Variants in NLGN1 observed in about 807,000 individuals in gnomAD.
NLGN1 encodes the protein neuroligin-1.
A neutral mutation model predicts 65.5 loss-of-function variants in NLGN1; 12 were observed. The ratio of observed to expected loss-of-function variants is 0.18; its 90% CI spans 0.12 to 0.30. The LOEUF (loss-of-function observed/expected upper bound fraction) is 0.30. Ranked by LOEUF, NLGN1 falls within the 10% of genes least tolerant of loss-of-function variation. The pLI is 1.00. For synonymous variants in NLGN1, 350 were observed against 359.5 expected (o/e 0.97, Z 0.30); for missense variants, 750 against 1,007.1 (o/e 0.74, Z 3.46).
At chr3:173,958,936 G>A (rs142999385) in intron 4 of NLGN1, among the ~76,000 whole-genome samples, 244 of 152,338 alleles carry the variant, frequency 1.6e-3, no homozygotes, top group African/African-American at 5.5e-3. Context: ...GCACCTGGCC[G>A]GGTTGTGACA....
chr3:174,043,428 G>C (rs1213228558), intron 4 of NLGN1, among the ~76,000 whole-genome samples: 4 of 152,130 alleles, frequency 2.6e-5, no homozygotes, highest in Admixed American at 6.5e-5. Context: ...TCAAAATCAA[G>C]TTACTTACTT....
intron 3 of NLGN1, among the ~76,000 whole-genome samples, chr3:173,616,056 A>G (rs1281754297): frequency 1.3e-5 from 2 of 152,016 alleles, no homozygotes; most frequent in African/African-American, 4.8e-5. Context: ...CCCTGAGGAA[A>G]GGAGGCAAGG....
chr3:173,437,460 G>A (rs549754455), intron 2 of NLGN1, among the ~76,000 whole-genome samples: 1 of 152,272 alleles, frequency 6.6e-6, no homozygotes, highest in African/African-American at 2.4e-5. Flanking sequence ...AACATGCATT[G>A]GAATTTATTC....
At position 173,585,506 on chromosome 3, in the gene NLGN1, C is replaced by T. The variant is rs1409594999; in HGVS notation, c.-320-18773C>T. On this transcript the variant is annotated intron_variant, in intron 2 of 6. Coordinates refer to ENST00000457714, the Ensembl canonical transcript of NLGN1. ...CCACCCCTCTCTTCCTACCCCTTCC[C>T]GCTTCCCGCTTCTCTCAACCGGACA... 3.3e-5 allele frequency among the ~76,000 whole-genome samples: 5 copies of T among 152,118 alleles called. No homozygotes were observed. The South Asian group carries it at 1.0e-3, about 32-fold the overall frequency.
intron 1 of NLGN1, among the ~76,000 whole-genome samples, chr3:173,409,067 G>T (rs186196838): frequency 6.6e-6 from 1 of 152,076 alleles, no homozygotes; most frequent in African/African-American, 2.4e-5. Context: ...ACAGCCTCTC[G>T]TGGGACACTC....
At chr3:173,589,983 A>C (rs532905838) in intron 2 of NLGN1, among the ~76,000 whole-genome samples, 1 of 152,288 alleles carries the variant, frequency 6.6e-6, no homozygotes, top group South Asian at 2.1e-4. Context: ...AGTAATATTG[A>C]GTTGATAAAA....
chr3:173,456,040 A>G (rs1722467027), intron 2 of NLGN1, among the ~76,000 whole-genome samples: 1 of 152,140 alleles, frequency 6.6e-6, no homozygotes, highest in Non-Finnish European at 1.5e-5. Flanking sequence ...ATACACAGCC[A>G]TCTGCTTTAC....
chr3:173,933,495 C>A (rs1215173110), intron 4 of NLGN1, among the ~76,000 whole-genome samples: 1 of 152,142 alleles, frequency 6.6e-6, no homozygotes, highest in Non-Finnish European at 1.5e-5. Flanking sequence ...GGGTATCTAT[C>A]TTGGTTGACA....
chr3:173,435,895 G>C (rs565220158), intron 2 of NLGN1, among the ~76,000 whole-genome samples: 1 of 152,204 alleles, frequency 6.6e-6, no homozygotes, highest in South Asian at 2.1e-4. Context: ...TAGTCAACAA[G>C]GAAGGCTGAC....
At chr3:174,159,536 G>A (rs1404613160) in intron 4 of NLGN1, among the ~76,000 whole-genome samples, 1 of 151,602 alleles carries the variant, frequency 6.6e-6, no homozygotes, top group African/African-American at 2.4e-5. Flanking sequence ...AAATAGGTGG[G>A]CAATGGAAAA....
intron 2 of NLGN1, among the ~76,000 whole-genome samples, chr3:173,453,050 G>A (rs912696411): frequency 2.6e-5 from 4 of 151,960 alleles, no homozygotes; most frequent in East Asian, 1.9e-4. Flanking sequence ...CTGACTGATC[G>A]GGGTGGTAGT....
chr3:174,203,203 T>C (rs4494938), intron 4 of NLGN1, among the ~76,000 whole-genome samples: 33,995 of 152,058 alleles, frequency 0.22, 4,284 homozygotes, highest in African/African-American at 0.34. Context: ...GCTTCAATGA[T>C]CTAGACAAGA....
At chr3:173,992,942 C>T (rs892975159) in intron 4 of NLGN1, among the ~76,000 whole-genome samples, 3 of 152,052 alleles carry the variant, frequency 2.0e-5, no homozygotes, top group African/African-American at 7.2e-5. Context: ...TAATTTTATC[C>T]ATGTGGGTTA....
intron 3 of NLGN1, among the ~76,000 whole-genome samples, chr3:173,642,975 G>GTATA (rs200551097): frequency 6.6e-6 from 1 of 152,058 alleles, no homozygotes; most frequent in African/African-American, 2.4e-5. Context: ...TATAAAATGT[G>GTATA]TATATATATA....
At chr3:173,477,040 G>T (rs189647907) in intron 2 of NLGN1, among the ~76,000 whole-genome samples, 1 of 152,270 alleles carries the variant, frequency 6.6e-6, no homozygotes, top group Admixed American at 6.5e-5. Context: ...ATTTGTTGAA[G>T]TGGGGTTATC....
At chr3:174,039,115 G>A (rs1041205025) in intron 4 of NLGN1, among the ~76,000 whole-genome samples, 2 of 151,996 alleles carry the variant, frequency 1.3e-5, no homozygotes, top group African/African-American at 4.8e-5. Context: ...GAGACTCCTC[G>A]GGCATGAGAA....
chr3:173,970,746 G>A (rs971850452), intron 4 of NLGN1, among the ~76,000 whole-genome samples: 8 of 152,096 alleles, frequency 5.3e-5, no homozygotes, highest in Middle Eastern at 3.2e-3. Context: ...ATAAACCTAA[G>A]TGTCCTTATC....
intron 4 of NLGN1, among the ~76,000 whole-genome samples, chr3:173,961,324 C>A (rs944774810): frequency 1.3e-5 from 2 of 151,952 alleles, no homozygotes; most frequent in African/African-American, 4.8e-5. Flanking sequence ...AAAATCAATA[C>A]CCAGAACATA....
intron 4 of NLGN1, among the ~76,000 whole-genome samples, chr3:174,171,349 G>A (rs981503505): frequency 6.6e-6 from 1 of 151,968 alleles, no homozygotes; most frequent in African/African-American, 2.4e-5. Flanking sequence ...ATAGCATCAC[G>A]AACAAAATTA....
Sources: gnomAD v4.1 joint callset for allele counts (sites outside exome capture counted in the v4.1 genomes callset) on GRCh38, gnomAD v4.1.1 for gene constraint, MANE v1.5 for transcripts, NCBI Gene and HGNC (gene_info 2026-07-23, HGNC 2026-07-21) for gene names.